Variants in CDK14 observed in about 807,000 individuals in gnomAD.
The protein encoded by CDK14 is cyclin dependent kinase 14.
Under a neutral mutation model 60.7 loss-of-function variants are expected in CDK14, and 34 were observed. The observed-to-expected ratio is 0.56, with a 90% CI of 0.43 to 0.75. The LOEUF is 0.75. CDK14 is among the 30% of genes least tolerant of loss of function. The pLI, the probability that CDK14 is intolerant of heterozygous loss-of-function variation, is 0.00. For synonymous variants in CDK14, 197 were observed against 203.7 expected (o/e 0.97, Z 0.28); for missense variants, 482 against 564.1 (o/e 0.85, Z 1.47).
intron 11 of CDK14, among the ~76,000 whole-genome samples, chr7:91,060,137 G>C (rs1260310579): frequency 6.6e-6 from 1 of 152,032 alleles, no homozygotes; most frequent in Non-Finnish European, 1.5e-5. Context: ...TTGTTGAATT[G>C]ATCCCTTTAC....
chr7:91,200,596 T>TA (rs1381217476), intron 14 of CDK14, among the ~76,000 whole-genome samples: 2 of 152,146 alleles, frequency 1.3e-5, no homozygotes, highest in African/African-American at 4.8e-5. Context: ...TTTAAACAGT[T>TA]ACGCGCTTTA....
At chr7:90,959,114 A>G (rs1407526291) in intron 9 of CDK14, among the ~76,000 whole-genome samples, 1 of 152,102 alleles carries the variant, frequency 6.6e-6, no homozygotes, top group Non-Finnish European at 1.5e-5. Flanking sequence ...ATTTGCTTTG[A>G]ACAGAGACAT....
At position 91,056,677 on chromosome 7, in the gene CDK14, C is replaced by T. The variant is rs1032282011; in HGVS notation, c.1105+10717C>T. Among the ~76,000 whole-genome samples, 11 of 151,342 alleles carry T rather than the reference C, an allele frequency of 7.3e-5. No homozygotes were observed. In the South Asian group the frequency reaches 8.3e-4, roughly 11 times the overall value. On this transcript the variant is annotated intron_variant, in intron 11 of 14. Transcript: ENST00000380050. The stretch of plus-strand genomic sequence containing the variant: ...TGCAGTGTTTGGTTTTTTGTCTTTG[C>T]GATAGTTTGCTGAGAATGATGGTTT...
chr7:90,627,062 A>G (rs1231896953), intron 2 of CDK14, among the ~76,000 whole-genome samples: 1 of 152,148 alleles, frequency 6.6e-6, no homozygotes, highest in Non-Finnish European at 1.5e-5. Flanking sequence ...TAAAAATATA[A>G]TTTGGACATT....
intron 14 of CDK14, among the ~76,000 whole-genome samples, chr7:91,183,757 C>T (rs1802078835): frequency 6.6e-6 from 1 of 152,202 alleles, no homozygotes; most frequent in African/African-American, 2.4e-5. Context: ...AATCTGATTC[C>T]ATCCTACTAA....
intron 2 of CDK14, among the ~76,000 whole-genome samples, chr7:90,723,150 T>C (rs1802514747): frequency 6.6e-6 from 1 of 152,238 alleles, no homozygotes; most frequent in South Asian, 2.1e-4. Flanking sequence ...AGAGGTTTTA[T>C]TGTGAATGGA....
chr7:90,803,628 T>C (rs1788726484), intron 5 of CDK14, among the ~76,000 whole-genome samples: 1 of 152,076 alleles, frequency 6.6e-6, no homozygotes, highest in Admixed American at 6.6e-5. Context: ...GTTCAATTAG[T>C]GAGTTTGAAA....
At chr7:90,834,611 C>G (rs576615545) in intron 5 of CDK14, among the ~76,000 whole-genome samples, 2 of 152,228 alleles carry the variant, frequency 1.3e-5, no homozygotes, top group African/African-American at 4.8e-5. Flanking sequence ...GTAGTTTAAA[C>G]TAAGTTTATA....
chr7:91,124,038 C>A (rs1799865654), intron 14 of CDK14, among the ~76,000 whole-genome samples: 1 of 151,960 alleles, frequency 6.6e-6, no homozygotes, highest in African/African-American at 2.4e-5. Context: ...AGGTGCGCAC[C>A]ACCACACCTG....
intron 14 of CDK14, among the ~76,000 whole-genome samples, chr7:91,133,106 A>T (rs1800167443): frequency 6.6e-6 from 1 of 152,156 alleles, no homozygotes; most frequent in African/African-American, 2.4e-5. Flanking sequence ...GTTTCTAGGG[A>T]TAAAAATTTA....
At chr7:91,041,361 C>T (rs1345155563) in intron 10 of CDK14, among the ~76,000 whole-genome samples, 1 of 152,084 alleles carries the variant, frequency 6.6e-6, no homozygotes, top group Non-Finnish European at 1.5e-5. Flanking sequence ...AATTCCTCTC[C>T]CAAGATTCAG....
At chr7:91,034,080 T>C (rs1201786420) in intron 10 of CDK14, among the ~76,000 whole-genome samples, 1 of 152,234 alleles carries the variant, frequency 6.6e-6, no homozygotes, top group East Asian at 1.9e-4. Flanking sequence ...TATCCTCGAC[T>C]TTCTTTAGCA....
chr7:90,641,220 G>T (rs1346708441), intron 2 of CDK14, among the ~76,000 whole-genome samples: 1 of 152,048 alleles, frequency 6.6e-6, no homozygotes, highest in Non-Finnish European at 1.5e-5. Flanking sequence ...ACAGTCTGTA[G>T]TTCCTCAAAT....
chr7:91,112,447 A>C, intron 12 of CDK14, 95 bp from the exon 13 acceptor site: 2 of 1,347,548 alleles, frequency 1.5e-6, no homozygotes, highest in East Asian at 4.7e-5. Flanking sequence ...CTAGCCAGGA[A>C]TAAATTGAAA....
At chr7:90,795,938 G>A (rs967325237) in intron 5 of CDK14, among the ~76,000 whole-genome samples, 1 of 152,250 alleles carries the variant, frequency 6.6e-6, no homozygotes, top group Admixed American at 6.5e-5. Flanking sequence ...GAAGCAAGTA[G>A]GATCACATTG....
chr7:90,765,775 GTGT>G (rs1179414301), intron 4 of CDK14, among the ~76,000 whole-genome samples: 2 of 152,056 alleles, frequency 1.3e-5, no homozygotes. Context: ...GAAGTGTTTT[GTGT>G]TGTTTCAGTT....
At chr7:90,807,041 G>A (rs1402877146) in intron 5 of CDK14, among the ~76,000 whole-genome samples, 3 of 152,214 alleles carry the variant, frequency 2.0e-5, no homozygotes, top group Admixed American at 1.3e-4. Context: ...ACCTCTGGGG[G>A]CAGGGCATAG....
chr7:91,035,833 C>CTTT lies in CDK14; in HGVS notation c.1042-10045_1042-10043dup, dbSNP rs34091498. Among the ~76,000 whole-genome samples the CTTT allele has an allele frequency of 7.4e-3, 732 of 99,130 alleles. 6 individuals are homozygous for CTTT. The highest frequency in any genetic ancestry group is 9.5e-3 in the East Asian group (29 of 3,050). 65.0% of individuals were successfully genotyped at this position (99,130 alleles called of 152,430 possible). On this transcript the variant is annotated intron_variant, in intron 10 of 14. Transcript: ENST00000380050. Reference sequence around the variant, plus strand: ...TTAGCTAGGCCCTCTGCTTCATGGTCTTTTTTTTTTTTTTTTTTTTTGAGA... The same window carrying CTTT: ...TTAGCTAGGCCCTCTGCTTCATGGTCTTTTTTTTTTTTTTTTTTTTTTTTGAGA...
intron 4 of CDK14, among the ~76,000 whole-genome samples, chr7:90,790,070 G>GAAA (rs60938697): frequency 2.9e-4 from 39 of 134,518 alleles, no homozygotes; most frequent in African/African-American, 1.0e-3. Context: ...TAGTAAAAAA[G>GAAA]AAAAAAAAAC....
Sources: gnomAD v4.1 joint callset for allele counts (sites outside exome capture counted in the v4.1 genomes callset) on GRCh38, gnomAD v4.1.1 for gene constraint, MANE v1.5 for transcripts, NCBI Gene and HGNC (gene_info 2026-07-23, HGNC 2026-07-21) for gene names.